The following SIL1 variants were observed in gnomAD, a reference collection of about 807,000 sequenced individuals.
SIL1 encodes the protein nucleotide exchange factor SIL1.
A neutral mutation model predicts 49.1 loss-of-function variants in SIL1; 40 were observed. The observed-to-expected ratio is 0.81, with a 90% CI of 0.63 to 1.06. The LOEUF is 1.06. Among genes scored for constraint, SIL1 ranks in the 50% least tolerant of loss-of-function variants. The probability of loss-of-function intolerance (pLI) is 0.00; values close to 1 mark genes in which losing one functional copy is unlikely to be tolerated. For synonymous variants in SIL1, 253 were observed against 250.8 expected, an observed-to-expected ratio of 1.01 and a Z score of -0.08; for missense variants, 500 against 572.6, an observed-to-expected ratio of 0.87 and a Z score of 1.29.
chr5:138,971,125 G>C (rs1439535041), intron 7 of SIL1, among the ~76,000 whole-genome samples: 1 of 152,094 alleles, frequency 6.6e-6, no homozygotes, highest in Non-Finnish European at 1.5e-5. Flanking sequence ...ATTCCCAAAG[G>C]AAAGGAAGTA....
chr5:138,973,734 G>A (rs1328424252), intron 7 of SIL1, among the ~76,000 whole-genome samples: 2 of 151,898 alleles, frequency 1.3e-5, no homozygotes, highest in African/African-American at 2.4e-5. Context: ...GTGAGCCACC[G>A]TGTCCAGCCT....
chr5:139,165,306 C>T (rs569962332), intron 1 of SIL1, among the ~76,000 whole-genome samples: 1 of 152,318 alleles, frequency 6.6e-6, no homozygotes, highest in Non-Finnish European at 1.5e-5. Context: ...GAAGCCCCCA[C>T]TTTGAGTTGT....
intron 7 of SIL1, among the ~76,000 whole-genome samples, chr5:138,960,648 G>C (rs1767000550): frequency 6.6e-6 from 1 of 152,066 alleles, no homozygotes. Flanking sequence ...TGGAGAGAAG[G>C]TTTTGCCATG....
At chr5:138,996,970 T>C (rs1452408098) in intron 7 of SIL1, among the ~76,000 whole-genome samples, 1 of 152,212 alleles carries the variant, frequency 6.6e-6, no homozygotes, top group African/African-American at 2.4e-5. Flanking sequence ...TCTTGCTCTG[T>C]CACCACAGCT....
intron 7 of SIL1, among the ~76,000 whole-genome samples, chr5:138,971,879 G>A (rs1428611701): frequency 6.6e-6 from 1 of 151,914 alleles, no homozygotes. Flanking sequence ...TCACCTCCAG[G>A]GCCCACGGCA....
chr5:139,048,546 T>G (rs973622838), intron 4 of SIL1, among the ~76,000 whole-genome samples: 1 of 151,970 alleles, frequency 6.6e-6, no homozygotes, highest in East Asian at 1.9e-4. Context: ...CAGCTAATTT[T>G]TATATGTTTT....
intron 4 of SIL1, among the ~76,000 whole-genome samples, chr5:139,049,579 A>T (rs908558278): frequency 4.6e-5 from 7 of 152,188 alleles, no homozygotes; most frequent in African/African-American, 1.4e-4. Context: ...ACTTGAGTCC[A>T]GGAGTTTAAG....
intron 7 of SIL1, among the ~76,000 whole-genome samples, chr5:138,997,142 C>A (rs908802181): frequency 1.3e-5 from 2 of 152,128 alleles, no homozygotes; most frequent in African/African-American, 4.8e-5. Flanking sequence ...GTTGCCCAGG[C>A]TGGTCTCAAA....
In SIL1 at chr5:139,071,270, T is replaced by C. The variant is rs547322736; in HGVS notation, c.245-20224A>G. On this transcript the variant is annotated intron_variant, in intron 3 of 9. Coordinates refer to ENST00000394817, the MANE Select transcript of SIL1 (RefSeq NM_022464.5). ...TGTAGATTCAAAGAGACTTAAAGGA[T>C]ATAACAACGTTTCTTAAATGGGCAA... 7.2e-5 allele frequency among the ~76,000 whole-genome samples: 11 copies of C among 152,088 alleles called. 1 individual carries two copies. In the East Asian group the frequency reaches 2.1e-3, roughly 29 times the overall value.
chr5:139,050,863 G>T, intron 4 of SIL1, 75 bp downstream of exon 4: 1 of 1,203,824 alleles, frequency 8.3e-7, no homozygotes, highest in Non-Finnish European at 1.2e-6. Context: ...CATGAATTTG[G>T]GTAACATTTT....
At chr5:139,081,332 G>A (rs1770071557) in intron 3 of SIL1, among the ~76,000 whole-genome samples, 1 of 152,182 alleles carries the variant, frequency 6.6e-6, no homozygotes, top group Admixed American at 6.5e-5. Context: ...ATGGCTCACT[G>A]CAACTTCTGC....
At chr5:139,136,644 A>G (rs1337036918) in intron 1 of SIL1, among the ~76,000 whole-genome samples, 2 of 152,180 alleles carry the variant, frequency 1.3e-5, no homozygotes, top group African/African-American at 4.8e-5. Context: ...GGATTTGGCA[A>G]TGAGGCAGTC....
chr5:139,184,138 G>C (rs1752038673), intron 1 of SIL1, among the ~76,000 whole-genome samples: 1 of 152,134 alleles, frequency 6.6e-6, no homozygotes, highest in African/African-American at 2.4e-5. Context: ...TGAAAGGAGG[G>C]TTCAAACCAA....
chr5:139,014,352 A>G (rs1454724598), intron 7 of SIL1: 2 of 145,082 alleles, frequency 1.4e-5, no homozygotes, highest in African/African-American at 5.3e-5. Context: ...GGGCAACAAG[A>G]GTGAAACTTC....
intron 1 of SIL1, among the ~76,000 whole-genome samples, chr5:139,143,000 C>T (rs1581130685): frequency 6.6e-6 from 1 of 151,906 alleles, no homozygotes; most frequent in African/African-American, 2.4e-5. Context: ...AATCTCCTGA[C>T]CTCGTGATCC....
At chr5:139,011,930 T>C (rs1474590735) in intron 7 of SIL1, among the ~76,000 whole-genome samples, 1 of 152,212 alleles carries the variant, frequency 6.6e-6, no homozygotes, top group Non-Finnish European at 1.5e-5. Context: ...CCCCATGGAC[T>C]CTTCACTCAG....
chr5:139,068,655 G>GAAAAAAAAAAAAAA (rs745799045), intron 3 of SIL1, among the ~76,000 whole-genome samples: 1 of 64,828 alleles, frequency 1.5e-5, no homozygotes, highest in African/African-American at 3.8e-5. Flanking sequence ...GAATGAAAAG[G>GAAAAAAAAAAAAAA]AAAAAAAAAA....
chr5:139,127,510 T>A (rs1750776934), intron 2 of SIL1, among the ~76,000 whole-genome samples: 1 of 152,164 alleles, frequency 6.6e-6, no homozygotes, highest in East Asian at 1.9e-4. Flanking sequence ...TTTATCATCA[T>A]CATCATATTT....
intron 3 of SIL1, among the ~76,000 whole-genome samples, chr5:139,062,535 A>ACCACTACC (rs1769615201): frequency 6.6e-6 from 1 of 152,040 alleles, no homozygotes; most frequent in Non-Finnish European, 1.5e-5. Flanking sequence ...ATACCCTTGC[A>ACCACTACC]CCACTACCCC....
Sources: gnomAD v4.1 joint callset for allele counts (sites outside exome capture counted in the v4.1 genomes callset) on GRCh38, gnomAD v4.1.1 for gene constraint, MANE v1.5 for transcripts, NCBI Gene and HGNC (gene_info 2026-07-23, HGNC 2026-07-21) for gene names.